The following SERINC5 variants were observed in gnomAD, a reference collection of about 807,000 sequenced individuals.
SERINC5 encodes serine incorporator 5.
SERINC5 carries 41 observed loss-of-function variants against 63.1 expected under a neutral mutation model. That is an observed-to-expected ratio of 0.65 (90% CI 0.51 to 0.84). The LOEUF (loss-of-function observed/expected upper bound fraction) is 0.84, where lower values mean the gene tolerates loss of function less well. Ranked by LOEUF, SERINC5 falls within the 40% of genes least tolerant of loss-of-function variation. The probability of loss-of-function intolerance (pLI) is 0.00; values close to 1 mark genes in which losing one functional copy is unlikely to be tolerated. For missense variants in SERINC5, 523 were observed against 573.0 expected (o/e 0.91, Z 0.89); for synonymous variants, 222 against 215.2 (o/e 1.03, Z -0.28).
At chr5:80,116,844 TTTTA>T (rs1744341483) in intron 11 of SERINC5, among the ~76,000 whole-genome samples, 1 of 151,930 alleles carries the variant, frequency 6.6e-6, no homozygotes, top group East Asian at 1.9e-4. Context: ...TTTTTTTTTT[TTTTA>T]GACGGGGTCT....
intron 11 of SERINC5, among the ~76,000 whole-genome samples, chr5:80,115,864 G>A (rs1744306016): frequency 6.6e-6 from 1 of 152,050 alleles, no homozygotes; most frequent in Non-Finnish European, 1.5e-5. Flanking sequence ...ATGGCTCTTT[G>A]ACAAACCTTC....
chr5:80,205,646 A>G (rs948023563), intron 1 of SERINC5, among the ~76,000 whole-genome samples: 1 of 152,164 alleles, frequency 6.6e-6, no homozygotes, highest in Non-Finnish European at 1.5e-5. Flanking sequence ...TTTCTTTGGG[A>G]TCTTTAATAA....
intron 1 of SERINC5, among the ~76,000 whole-genome samples, chr5:80,229,892 T>C (rs1216856763): frequency 6.6e-6 from 1 of 152,208 alleles, no homozygotes; most frequent in African/African-American, 2.4e-5. Context: ...GAGAATGTTT[T>C]CAAGGCACTT....
chr5:80,153,454 C>A (rs1746314742), intron 8 of SERINC5, among the ~76,000 whole-genome samples: 1 of 150,262 alleles, frequency 6.7e-6, no homozygotes, highest in African/African-American at 2.5e-5. Context: ...CAACACTCTT[C>A]TTGGAATTAT....
chr5:80,156,785 T>C (rs1440559374), intron 8 of SERINC5, among the ~76,000 whole-genome samples: 1 of 152,106 alleles, frequency 6.6e-6, no homozygotes, highest in East Asian at 1.9e-4. Flanking sequence ...ATTTTATTTA[T>C]CATCTCTCAC....
Position 80,162,835 on chromosome 5 carries a change from A to ACG in SERINC5, c.859+3547_859+3548insCG, listed in dbSNP as rs536613875. On this transcript the variant is annotated intron_variant, in intron 7 of 11. Coordinates refer to ENST00000507668, the MANE Select transcript of SERINC5 (RefSeq NM_001174072.3). ...GCTAGATGATTACTGGTGTATAGAAACACTACTGACTTTTTTTTTTTGAGG... is the reference window on the plus strand; with the variant it reads ...GCTAGATGATTACTGGTGTATAGAAACGCACTACTGACTTTTTTTTTTTGAGG... 4.4e-3 allele frequency among the ~76,000 whole-genome samples: 654 copies of ACG among 148,932 alleles called. 13 individuals are homozygous for ACG. Among genetic ancestry groups the ACG allele is most frequent in the Non-Finnish European group, 2.0e-3 (133 of 67,756 alleles).
chr5:80,193,028 A>C lies in SERINC5; in HGVS notation c.195+9858T>G, dbSNP rs145318546. On this transcript the variant is annotated intron_variant, in intron 2 of 11. Coordinates refer to ENST00000507668, the MANE Select transcript of SERINC5 (RefSeq NM_001174072.3). ...CTCTCTTTTCCCCTACCTGAGGGCCAGCTCTATGGGGACAATAACTGTGTG... is the reference window on the plus strand; with the variant it reads ...CTCTCTTTTCCCCTACCTGAGGGCCCGCTCTATGGGGACAATAACTGTGTG... Among the ~76,000 whole-genome samples, 510 of 152,350 alleles carry C rather than the reference A, an allele frequency of 3.3e-3. 5 individuals carry two copies. The highest frequency in any genetic ancestry group is 0.012 in the African/African-American group (492 of 41,578).
At chr5:80,126,640 T>C (rs985305570) in intron 11 of SERINC5, among the ~76,000 whole-genome samples, 4 of 152,264 alleles carry the variant, frequency 2.6e-5, no homozygotes, top group African/African-American at 7.2e-5. Flanking sequence ...AACACTGTTC[T>C]GCACATACTA....
chr5:80,158,871 C>T lies in SERINC5; in HGVS notation c.951G>A (p.Gly317=). 1.9e-6 allele frequency: 3 copies of T among 1,613,636 alleles called. No homozygotes were observed. The highest frequency in any genetic ancestry group is 2.5e-6 in the Non-Finnish European group (3 of 1,179,748). ...YRDENLVTIL[G]TSLLIGCILY... is the part of the protein sequence containing the mutation. ...AGATACATCCGATTAAGAGGCTGGTCCCCAGTATAGTCACCAAGTTTTCAT... is the reference window on the plus strand; with the variant it reads ...AGATACATCCGATTAAGAGGCTGGTTCCCAGTATAGTCACCAAGTTTTCAT... The change falls in exon 8 of 12, where the codon GGG becomes GGA. Residue 317 remains glycine (G), a synonymous_variant. Coordinates refer to ENST00000507668, the MANE Select transcript of SERINC5 (RefSeq NM_001174072.3).
intron 1 of SERINC5, among the ~76,000 whole-genome samples, chr5:80,244,285 G>A (rs763273512): frequency 6.0e-5 from 9 of 150,414 alleles, no homozygotes; most frequent in Non-Finnish European, 5.9e-5. Context: ...GCACGATCTC[G>A]GCTCACTGCA....
chr5:80,142,302 C>G lies in SERINC5; in HGVS notation c.*1361G>C, dbSNP rs1233860426. The G allele has an allele frequency of 2.0e-6, 2 of 984,338 alleles. No individual in the cohort carries two copies. The highest frequency in any genetic ancestry group is 1.1e-4 in the East Asian group (1 of 8,810). The allele number at this position is 984,338 out of a possible 1,614,324, so 61.0% of individuals were successfully genotyped here. A position where few individuals can be genotyped will look rare whatever the true frequency, so the allele number is the denominator to read the frequency against. Reference sequence around the variant, plus strand: ...TGGAAATTCCTGTGCAGCGTGATCTCGGCTCACTGCAACCTCCGCCTCCCG... The same window carrying G: ...TGGAAATTCCTGTGCAGCGTGATCTGGGCTCACTGCAACCTCCGCCTCCCG... On this transcript the variant is annotated 3_prime_UTR_variant, in exon 12 of 12. Transcript: ENST00000507668.
At chr5:80,150,495 G>T (rs890260141) in intron 9 of SERINC5, among the ~76,000 whole-genome samples, 1 of 152,176 alleles carries the variant, frequency 6.6e-6, no homozygotes, top group Non-Finnish European at 1.5e-5. Flanking sequence ...GAGTGCAGTG[G>T]TATGACCTTG....
At chr5:80,198,134 G>A (rs1283120423) in intron 2 of SERINC5, among the ~76,000 whole-genome samples, 1 of 151,954 alleles carries the variant, frequency 6.6e-6, no homozygotes, top group East Asian at 1.9e-4. Flanking sequence ...CACCACACCC[G>A]GCCTCTAAAA....
intron 1 of SERINC5, among the ~76,000 whole-genome samples, chr5:80,241,707 ATAAT>A (rs968581845): frequency 1.3e-5 from 2 of 152,098 alleles, no homozygotes; most frequent in African/African-American, 4.8e-5. Flanking sequence ...TCGCTAAAAA[ATAAT>A]TAATAGGAAT....
intron 2 of SERINC5, among the ~76,000 whole-genome samples, chr5:80,179,285 T>C (rs187405545): frequency 4.7e-4 from 72 of 152,106 alleles, no homozygotes; most frequent in African/African-American, 1.7e-3. Flanking sequence ...GGCAACAGAG[T>C]GAGACTCTGT....
intron 1 of SERINC5, among the ~76,000 whole-genome samples, chr5:80,243,198 T>G (rs1414910661): frequency 3.3e-5 from 5 of 152,194 alleles, no homozygotes; most frequent in Non-Finnish European, 7.3e-5. Context: ...CTACAATTAT[T>G]TTTTAAACAT....
chr5:80,229,010 G>A, intron 1 of SERINC5, among the ~76,000 whole-genome samples: 1 of 100,950 alleles, frequency 9.9e-6, no homozygotes, highest in African/African-American at 3.6e-5. Context: ...TACCACCAAT[G>A]TTTTACATAC....
intron 8 of SERINC5, among the ~76,000 whole-genome samples, chr5:80,151,627 CA>C (rs1746186206): frequency 6.6e-6 from 1 of 152,166 alleles, no homozygotes; most frequent in African/African-American, 2.4e-5. Flanking sequence ...AGAGCCTGAG[CA>C]ACATAGCAAG....
chr5:80,160,946 G>GTA (rs747034909), intron 7 of SERINC5, among the ~76,000 whole-genome samples: 82 of 135,116 alleles, frequency 6.1e-4, no homozygotes, highest in South Asian at 1.0e-3. Flanking sequence ...ATATATATGT[G>GTA]TATATATATA....
Sources: allele counts gnomAD v4.1 joint callset (sites outside exome capture counted in the v4.1 genomes callset), GRCh38; gene constraint gnomAD v4.1.1; transcripts MANE v1.5; gene names NCBI Gene and HGNC (gene_info 2026-07-23, HGNC 2026-07-21).